Variants in SLC35F4 observed in about 807,000 individuals in gnomAD.
SLC35F4 encodes the protein chromosome 14 open reading frame 36.
In SLC35F4, 24 loss-of-function variants were observed where a neutral mutation model predicts 44.2. The observed-to-expected ratio is 0.54, with a 90% CI of 0.39 to 0.76. The LOEUF is 0.76. SLC35F4 is among the 30% of genes least tolerant of loss of function. SLC35F4 has a pLI of 0.00. For missense variants in SLC35F4, 562 were observed against 586.1 expected, an observed-to-expected ratio of 0.96 and a Z score of 0.42; for synonymous variants, 238 against 223.6, an observed-to-expected ratio of 1.06 and a Z score of -0.57.
intron 1 of SLC35F4, among the ~76,000 whole-genome samples, chr14:57,621,638 C>T (rs920164479): frequency 6.6e-6 from 1 of 152,224 alleles, no homozygotes; most frequent in Non-Finnish European, 1.5e-5. Context: ...AACTGGATCC[C>T]TTCCTTATAC....
intron 1 of SLC35F4, chr14:57,596,843 C>T (rs774360743): frequency 1.5e-6 from 2 of 1,367,658 alleles, no homozygotes; most frequent in Non-Finnish European, 2.0e-6. Context: ...TTGCCTGCTG[C>T]CAGCTGCCTC....
intron 1 of SLC35F4, among the ~76,000 whole-genome samples, chr14:57,879,276 A>G (rs888057174): frequency 6.6e-6 from 1 of 152,074 alleles, no homozygotes; most frequent in Non-Finnish European, 1.5e-5. Flanking sequence ...GTCAGAAAAC[A>G]TAGGTTCTAT....
chr14:57,802,772 T>A (rs950665228), intron 1 of SLC35F4, among the ~76,000 whole-genome samples: 1 of 152,140 alleles, frequency 6.6e-6, no homozygotes, highest in Non-Finnish European at 1.5e-5. Context: ...CAGGAAGAAA[T>A]TGAATTCCAG....
chr14:57,938,333 A>G lies in SLC35F4; in HGVS notation n.282+43580T>C, dbSNP rs117734730. On this transcript the variant is annotated intron_variant and non_coding_transcript_variant, in intron 1 of 1. Transcript: ENST00000556568. ...TGTTCAGTCACAAAGGGGAAGAAAA[A>G]TGTTAAGAGGAGTATGATCAACAGT... is the stretch of plus-strand genomic sequence containing the variant. Among the ~76,000 whole-genome samples, 43 of 152,282 alleles carry G rather than the reference A, an allele frequency of 2.8e-4. No homozygotes were observed. In the East Asian group the frequency reaches 6.9e-3, roughly 25 times the overall value.
At chr14:57,687,478 C>A (rs1285691751) in intron 1 of SLC35F4, among the ~76,000 whole-genome samples, 1 of 152,186 alleles carries the variant, frequency 6.6e-6, no homozygotes, top group Non-Finnish European at 1.5e-5. Context: ...CAGGAAACAT[C>A]TTTCTCACTC....
chr14:57,846,960 T>A (rs867532092), intron 1 of SLC35F4, among the ~76,000 whole-genome samples: 1 of 152,226 alleles, frequency 6.6e-6, no homozygotes, highest in Non-Finnish European at 1.5e-5. Flanking sequence ...CTACTCAAAG[T>A]GCACTCTGCA....
At chr14:57,662,409 A>T (rs1304837696) in intron 1 of SLC35F4, among the ~76,000 whole-genome samples, 1 of 152,172 alleles carries the variant, frequency 6.6e-6, no homozygotes, top group Non-Finnish European at 1.5e-5. Flanking sequence ...GGTCTTTAAG[A>T]GGTGAGTAGG....
At position 57,684,204 on chromosome 14, in the gene SLC35F4, C is replaced by T. The variant is rs1050042857; in HGVS notation, c.104-90080G>A. Among the ~76,000 whole-genome samples the T allele has an allele frequency of 3.4e-4, 51 of 152,122 alleles. 1 individual carries two copies. Among genetic ancestry groups the T allele is most frequent in the Non-Finnish European group, 4.7e-4 (32 of 68,026 alleles). ...ATGGGGTAGGGGATGATATTGCCAC[C>T]TTCTTCCCAACATCCCACGCCGCTG... On this transcript the variant is annotated intron_variant, in intron 1 of 7. Coordinates refer to ENST00000556826, the MANE Select transcript of SLC35F4 (RefSeq NM_001306087.2).
At chr14:57,914,806 T>C (rs1889284777) in intron 1 of SLC35F4, among the ~76,000 whole-genome samples, 1 of 152,146 alleles carries the variant, frequency 6.6e-6, no homozygotes, top group African/African-American at 2.4e-5. Context: ...CCCTATGGCT[T>C]TACTGGGCTC....
At chr14:57,738,731 CATA>C (rs1029249457) in intron 1 of SLC35F4, among the ~76,000 whole-genome samples, 7 of 132,786 alleles carry the variant, frequency 5.3e-5, no homozygotes, top group East Asian at 4.4e-4. Flanking sequence ...GCCTTTATTT[CATA>C]ATATTTGAAT....
chr14:57,792,436 T>C (rs1471530607), intron 1 of SLC35F4, among the ~76,000 whole-genome samples: 1 of 152,132 alleles, frequency 6.6e-6, no homozygotes, highest in East Asian at 1.9e-4. Context: ...AATAAGTCAC[T>C]ACATGAAAAA....
At chr14:57,594,956 C>T (rs959482180) in intron 1 of SLC35F4, among the ~76,000 whole-genome samples, 4 of 152,152 alleles carry the variant, frequency 2.6e-5, no homozygotes, top group African/African-American at 7.2e-5. Flanking sequence ...CTGCCACTTC[C>T]CACCCCTCAG....
At chr14:57,638,701 A>C (rs1169230051) in intron 1 of SLC35F4, among the ~76,000 whole-genome samples, 1 of 152,132 alleles carries the variant, frequency 6.6e-6, no homozygotes, top group Non-Finnish European at 1.5e-5. Flanking sequence ...TTCTGATACA[A>C]GGAAGGCTAC....
intron 1 of SLC35F4, among the ~76,000 whole-genome samples, chr14:57,822,632 A>G (rs1480386016): frequency 6.6e-6 from 1 of 152,186 alleles, no homozygotes; most frequent in Non-Finnish European, 1.5e-5. Context: ...TAAAGAAACA[A>G]TATTGTTGTC....
intron 1 of SLC35F4, among the ~76,000 whole-genome samples, chr14:57,779,932 C>G (rs528235092): frequency 3.1e-4 from 47 of 152,064 alleles, no homozygotes; most frequent in Admixed American, 1.0e-3. Flanking sequence ...TGGAATATAC[C>G]TCAAAATAAT....
chr14:57,610,955 C>A (rs1028644557), intron 1 of SLC35F4, among the ~76,000 whole-genome samples: 1 of 152,220 alleles, frequency 6.6e-6, no homozygotes. Flanking sequence ...ATAATGACAA[C>A]TTCTAAGTTC....
intron 1 of SLC35F4, among the ~76,000 whole-genome samples, chr14:57,731,923 G>T (rs529969931): frequency 6.6e-6 from 1 of 152,290 alleles, no homozygotes; most frequent in East Asian, 1.9e-4. Context: ...TGTCATGCCA[G>T]CATTATTGTG....
intron 1 of SLC35F4, among the ~76,000 whole-genome samples, chr14:57,675,047 T>C (rs2074644762): frequency 6.6e-6 from 1 of 152,110 alleles, no homozygotes; most frequent in South Asian, 2.1e-4. Flanking sequence ...CCCAACACTG[T>C]ATAATTCCAC....
chr14:57,957,431 G>GTA (rs1890259169), intron 1 of SLC35F4, among the ~76,000 whole-genome samples: 1 of 105,832 alleles, frequency 9.4e-6, no homozygotes, highest in African/African-American at 4.7e-5. Context: ...AGAACTTAAA[G>GTA]TACAAAAAAA....
Sources: allele counts gnomAD v4.1 joint callset (sites outside exome capture counted in the v4.1 genomes callset), GRCh38; gene constraint gnomAD v4.1.1; transcripts MANE v1.5; gene names NCBI Gene and HGNC (gene_info 2026-07-23, HGNC 2026-07-21).